Variants in MEGF11 observed in about 807,000 individuals in gnomAD.
The protein encoded by MEGF11 is multiple epidermal growth factor-like domains protein 11.
In MEGF11, 126 loss-of-function variants were observed where a neutral mutation model predicts 146.6. That is an observed-to-expected ratio of 0.86 (90% CI 0.74 to 1.00). The LOEUF (loss-of-function observed/expected upper bound fraction) is 1.00, where lower values mean the gene tolerates loss of function less well. MEGF11 is among the 50% of genes least tolerant of loss of function. MEGF11 has a pLI of 0.00. For missense variants in MEGF11, 1,509 were observed against 1,521.2 expected (o/e 0.99, Z 0.13); for synonymous variants, 532 against 583.4 (o/e 0.91, Z 1.27).
rs112970231 is a variant in MEGF11, at chr15:66,010,200, C to CTT, written c.395-27714_395-27713dup. Among the ~76,000 whole-genome samples, 452 of 137,422 alleles carry CTT rather than the reference C, an allele frequency of 3.3e-3. 3 individuals carry two copies. The highest frequency in any genetic ancestry group is 6.4e-3 in the African/African-American group (235 of 36,888). The allele number at this position is 137,422 out of a possible 152,430, so 90.2% of individuals were successfully genotyped here. On this transcript the variant is annotated intron_variant, in intron 5 of 25. Coordinates refer to ENST00000395614, the MANE Select transcript of MEGF11 (RefSeq NM_001385028.1). ...AAAAGTGCAAAAAAACTCATAATTT[C>CTT]TTTTTTTTTTTTGAGACAGTCTCAC...
rs927787324 is a variant in MEGF11 at position 66,094,033 on chromosome 15, C to G, written c.394+369G>C. On this transcript the variant is annotated intron_variant, in intron 5 of 25. Transcript: ENST00000395614. ...AAAACTGAGCTTTTGGACCAGTGAA[C>G]CTGGGGACCAGGGCTAGACGACGGC... Among the ~76,000 whole-genome samples, 30 of 152,164 alleles carry G rather than the reference C, an allele frequency of 2.0e-4. 1 individual carries two copies.
chr15:65,999,400 ATC>A (rs2082291179), intron 5 of MEGF11, among the ~76,000 whole-genome samples: 2 of 151,904 alleles, frequency 1.3e-5, no homozygotes, highest in African/African-American at 4.9e-5. Context: ...AAGCCCCCTT[ATC>A]CTTAATTAGG....
chr15:65,905,882 C>A (rs1467532196), intron 24 of MEGF11: 3 of 440,452 alleles, frequency 6.8e-6, no homozygotes, highest in East Asian at 3.5e-5. Context: ...CAACTGAAAT[C>A]GAAAGATGAA....
chr15:66,249,785 C>A (rs1489909102), intron 1 of MEGF11, among the ~76,000 whole-genome samples: 23 of 152,226 alleles, frequency 1.5e-4, no homozygotes, highest in Non-Finnish European at 4.4e-5. Flanking sequence ...AATTGCTGGA[C>A]CTACTCCAGA....
intron 5 of MEGF11, among the ~76,000 whole-genome samples, chr15:66,068,726 C>G (rs1235296518): frequency 6.6e-6 from 1 of 152,156 alleles, no homozygotes; most frequent in Non-Finnish European, 1.5e-5. Context: ...TGCTGCTGCT[C>G]TGTTCTTCAG....
intron 5 of MEGF11, among the ~76,000 whole-genome samples, chr15:66,017,103 C>A (rs2082914691): frequency 1.3e-5 from 2 of 152,092 alleles, no homozygotes; most frequent in African/African-American, 4.8e-5. Flanking sequence ...CGGGTGAGTG[C>A]GATCGATTAA....
intron 10 of MEGF11, among the ~76,000 whole-genome samples, chr15:65,935,629 C>T (rs2079755307): frequency 6.6e-6 from 1 of 151,956 alleles, no homozygotes; most frequent in South Asian, 2.1e-4. Flanking sequence ...GTTTTTTTTC[C>T]AGTCAGCTCC....
At chr15:66,038,983 T>C (rs1309234645) in intron 5 of MEGF11, among the ~76,000 whole-genome samples, 1 of 152,174 alleles carries the variant, frequency 6.6e-6, no homozygotes, top group African/African-American at 2.4e-5. Flanking sequence ...GGAATGGTTC[T>C]CAAATTACAG....
chr15:65,905,817 C>T (rs184192009), intron 24 of MEGF11: 9 of 355,398 alleles, frequency 2.5e-5, no homozygotes, highest in Admixed American at 1.4e-4. Flanking sequence ...TTTACATTTC[C>T]GAAGACATTT....
chr15:66,111,054 G>C (rs2087370743), intron 4 of MEGF11, among the ~76,000 whole-genome samples: 1 of 152,130 alleles, frequency 6.6e-6, no homozygotes. Flanking sequence ...AGGATTTAAA[G>C]TCGCACTCAT....
At chr15:66,215,211 C>T (rs758017638) in intron 1 of MEGF11, among the ~76,000 whole-genome samples, 5 of 152,122 alleles carry the variant, frequency 3.3e-5, no homozygotes, top group African/African-American at 1.2e-4. Flanking sequence ...AGCATCTTTA[C>T]CTTCCCTCAG....
At chr15:66,027,489 G>A (rs2083373915) in intron 5 of MEGF11, among the ~76,000 whole-genome samples, 1 of 152,082 alleles carries the variant, frequency 6.6e-6, no homozygotes, top group East Asian at 1.9e-4. Context: ...TGAGATAATG[G>A]GTGCCCCATG....
chr15:66,237,985 C>T (rs186718127), intron 1 of MEGF11, among the ~76,000 whole-genome samples: 1 of 152,194 alleles, frequency 6.6e-6, no homozygotes, highest in Non-Finnish European at 1.5e-5. Flanking sequence ...AGGATTGATT[C>T]GATGCAATAT....
At position 66,154,907 on chromosome 15, in the gene MEGF11, C is replaced by T. The variant is rs114217730; in HGVS notation, c.-8-26496G>A. Among the ~76,000 whole-genome samples the T allele has an allele frequency of 3.9e-3, 593 of 152,324 alleles. 2 individuals are homozygous for T. Among genetic ancestry groups the T allele is most frequent in the African/African-American group, 0.013 (541 of 41,568 alleles). Reference sequence around the variant, plus strand: ...AATATTTGCACAACCTTCACACATGCGCCTTCCTACCCTGGTTTCTCTAGC... The same window carrying T: ...AATATTTGCACAACCTTCACACATGTGCCTTCCTACCCTGGTTTCTCTAGC... On this transcript the variant is annotated intron_variant, in intron 1 of 25. Coordinates refer to ENST00000395614, the MANE Select transcript of MEGF11 (RefSeq NM_001385028.1).
At chr15:65,963,112 A>T (rs944724779) in intron 9 of MEGF11, among the ~76,000 whole-genome samples, 1 of 152,220 alleles carries the variant, frequency 6.6e-6, no homozygotes. Flanking sequence ...AGCTCCCTGC[A>T]TTGGACCCCG....
At chr15:66,252,140 G>T (rs888084519) in intron 1 of MEGF11, among the ~76,000 whole-genome samples, 12 of 152,186 alleles carry the variant, frequency 7.9e-5, no homozygotes, top group Non-Finnish European at 1.6e-4. Context: ...GGCGAATCCG[G>T]CCCCTCCGAC....
chr15:66,212,579 A>C (rs535659018), intron 1 of MEGF11, among the ~76,000 whole-genome samples: 13 of 152,342 alleles, frequency 8.5e-5, no homozygotes, highest in African/African-American at 3.1e-4. Flanking sequence ...CCAGTAGTGA[A>C]GGTAATTACA....
intron 1 of MEGF11, among the ~76,000 whole-genome samples, chr15:66,233,775 T>C (rs1351150081): frequency 6.6e-6 from 1 of 152,108 alleles, no homozygotes; most frequent in Non-Finnish European, 1.5e-5. Context: ...TTCATCATGC[T>C]AGTGACTGGT....
intron 1 of MEGF11, among the ~76,000 whole-genome samples, chr15:66,233,290 C>G (rs974794822): frequency 6.6e-6 from 1 of 152,166 alleles, no homozygotes; most frequent in Non-Finnish European, 1.5e-5. Flanking sequence ...GGCTGGAGTG[C>G]AAGAGCATGA....
Sources: gnomAD v4.1 joint callset for allele counts (sites outside exome capture counted in the v4.1 genomes callset) on GRCh38, gnomAD v4.1.1 for gene constraint, MANE v1.5 for transcripts, NCBI Gene and HGNC (gene_info 2026-07-23, HGNC 2026-07-21) for gene names.